LHFPL3: variants seen among roughly 807,000 people sequenced by gnomAD.
LHFPL3 encodes LHFPL tetraspan subfamily member 3.
Under a neutral mutation model 19.3 loss-of-function variants are expected in LHFPL3, and 5 were observed. That is an observed-to-expected ratio of 0.26 (90% CI 0.14 to 0.54). LHFPL3 has a LOEUF of 0.54. LHFPL3 is among the 20% of genes least tolerant of loss of function. The probability of loss-of-function intolerance (pLI) is 0.94; values close to 1 mark genes in which losing one functional copy is unlikely to be tolerated. For missense variants in LHFPL3, 249 were observed against 307.4 expected (o/e 0.81, Z 1.42); for synonymous variants, 133 against 126.2 (o/e 1.05, Z -0.36).
chr7:104,874,775 A>C (rs1272905350), intron 2 of LHFPL3, among the ~76,000 whole-genome samples: 1 of 151,954 alleles, frequency 6.6e-6, no homozygotes, highest in African/African-American at 2.4e-5. Flanking sequence ...AGTCAAAATT[A>C]TACCTACTAA....
chr7:104,550,549 A>G (rs1794645986), intron 1 of LHFPL3, among the ~76,000 whole-genome samples: 1 of 152,194 alleles, frequency 6.6e-6, no homozygotes, highest in Non-Finnish European at 1.5e-5. Context: ...TGGAAATGTA[A>G]TAATCGGCCA....
chr7:104,757,468 G>A (rs901769468), intron 2 of LHFPL3: 1 of 151,870 alleles, frequency 6.6e-6, no homozygotes, highest in African/African-American at 2.4e-5. Context: ...TCCAACAAAG[G>A]TTTAATATCC....
chr7:104,813,339 T>C (rs1172492727), intron 2 of LHFPL3, among the ~76,000 whole-genome samples: 4 of 152,178 alleles, frequency 2.6e-5, no homozygotes, highest in East Asian at 1.9e-4. Context: ...GAACTTAGCA[T>C]ATTGTTGGGT....
chr7:104,414,860 T>C (rs1791592752), intron 1 of LHFPL3, among the ~76,000 whole-genome samples: 1 of 152,246 alleles, frequency 6.6e-6, no homozygotes, highest in South Asian at 2.1e-4. Flanking sequence ...CTAAAAATTT[T>C]AGTCACCATT....
At chr7:104,535,111 C>G (rs1381123242) in intron 1 of LHFPL3, among the ~76,000 whole-genome samples, 2 of 152,164 alleles carry the variant, frequency 1.3e-5, no homozygotes, top group African/African-American at 4.8e-5. Flanking sequence ...TTCATTACTG[C>G]TACCACCAGA....
At chr7:104,634,822 C>T (rs1791703122) in intron 1 of LHFPL3, among the ~76,000 whole-genome samples, 1 of 152,128 alleles carries the variant, frequency 6.6e-6, no homozygotes, top group Non-Finnish European at 1.5e-5. Context: ...ACCCAGAGAA[C>T]TTCAATCATT....
intron 1 of LHFPL3, among the ~76,000 whole-genome samples, chr7:104,675,131 T>C (rs1792567244): frequency 6.6e-6 from 1 of 152,256 alleles, no homozygotes; most frequent in African/African-American, 2.4e-5. Flanking sequence ...TGGGAAGGAA[T>C]CTCCATGGTG....
At chr7:104,835,915 C>T (rs546318236) in intron 2 of LHFPL3, among the ~76,000 whole-genome samples, 2 of 151,928 alleles carry the variant, frequency 1.3e-5, no homozygotes, top group South Asian at 4.2e-4. Context: ...TAATGCTCTC[C>T]CTCCCCTTTC....
At chr7:104,879,493 G>A (rs1420943178) in intron 2 of LHFPL3, among the ~76,000 whole-genome samples, 1 of 152,092 alleles carries the variant, frequency 6.6e-6, no homozygotes, top group African/African-American at 2.4e-5. Flanking sequence ...TCTAAGGCAG[G>A]AGCATCACCT....
intron 2 of LHFPL3, among the ~76,000 whole-genome samples, chr7:104,853,006 A>G (rs1397578528): frequency 6.6e-6 from 1 of 152,174 alleles, no homozygotes; most frequent in Non-Finnish European, 1.5e-5. Flanking sequence ...TTGGGCACAG[A>G]GGGGAGGATC....
At chr7:104,431,864 A>G (rs1313192766) in intron 1 of LHFPL3, among the ~76,000 whole-genome samples, 1 of 152,150 alleles carries the variant, frequency 6.6e-6, no homozygotes, top group East Asian at 1.9e-4. Context: ...AGATTTCCCT[A>G]TCATGTCAAT....
chr7:104,800,683 C>T (rs1790227540), intron 2 of LHFPL3, among the ~76,000 whole-genome samples: 1 of 152,162 alleles, frequency 6.6e-6, no homozygotes, highest in African/African-American at 2.4e-5. Flanking sequence ...CATCTACCCA[C>T]CCACCCAACC....
chr7:104,677,556 G>A (rs1379321578), intron 1 of LHFPL3, among the ~76,000 whole-genome samples: 1 of 152,120 alleles, frequency 6.6e-6, no homozygotes, highest in African/African-American at 2.4e-5. Context: ...TCTACCACAT[G>A]TTTTTTAATT....
Position 104,440,811 on chromosome 7 carries a change from G to A in LHFPL3, c.445+111587G>A, listed in dbSNP as rs570879300. On this transcript the variant is annotated intron_variant, in intron 1 of 2. Transcript: ENST00000424859. ...CTAATATCTAATTTGTGACCTAAGT[G>A]AGACAAGCGGTTCATTTATATTCCT... 3.9e-5 allele frequency among the ~76,000 whole-genome samples: 6 copies of A among 152,236 alleles called. No individual in the cohort carries two copies. In the South Asian group the frequency reaches 1.2e-3, roughly 32 times the overall value.
intron 1 of LHFPL3, among the ~76,000 whole-genome samples, chr7:104,517,737 A>G (rs2115794223): frequency 6.6e-6 from 1 of 152,212 alleles, no homozygotes; most frequent in African/African-American, 2.4e-5. Context: ...TAAACTCCTG[A>G]CCTCAGGTGA....
chr7:104,860,301 C>T (rs952810784), intron 2 of LHFPL3, among the ~76,000 whole-genome samples: 1 of 152,030 alleles, frequency 6.6e-6, no homozygotes, highest in Non-Finnish European at 1.5e-5. Flanking sequence ...ATGAAATAAT[C>T]CACTGCTGAA....
intron 1 of LHFPL3, among the ~76,000 whole-genome samples, chr7:104,549,226 G>A (rs1027525942): frequency 1.3e-5 from 2 of 151,966 alleles, no homozygotes; most frequent in African/African-American, 4.8e-5. Context: ...CCAGGATAGA[G>A]GCTAAGAGAC....
At chr7:104,603,079 T>C (rs1292838542) in intron 1 of LHFPL3, among the ~76,000 whole-genome samples, 3 of 95,706 alleles carry the variant, frequency 3.1e-5, no homozygotes, top group Admixed American at 3.0e-4. Context: ...TCTTTCTTTC[T>C]TTCTTTCTTT....
rs536122769 is a variant in LHFPL3, at chr7:104,343,512, CAAAAAAAAAAAAAAAAAAAAAA to C, written c.445+14306_445+14327del. Among the ~76,000 whole-genome samples, 71 of 47,472 alleles carry C rather than the reference CAAAAAAAAAAAAAAAAAAAAAA, an allele frequency of 1.5e-3. 1 individual carries two copies. Among genetic ancestry groups the C allele is most frequent in the African/African-American group, 3.9e-3 (52 of 13,312 alleles). 31.1% of individuals were successfully genotyped at this position (47,472 alleles called of 152,430 possible). A position where few individuals can be genotyped will look rare whatever the true frequency, so the allele number is the denominator to read the frequency against. On this transcript the variant is annotated intron_variant, in intron 1 of 2. Coordinates refer to ENST00000424859, the MANE Select transcript of LHFPL3 (RefSeq NM_199000.3). ...TGGGCAACAGAGTGAGACTCTGTCTCAAAAAAAAAAAAAAAAAAAAAAAAAAAAAAAAAAAAAAAGCCAAGCT... is the reference window on the plus strand; with the variant it reads ...TGGGCAACAGAGTGAGACTCTGTCTCAAAAAAAAAAAAAAAAAGCCAAGCT...
Sources: gnomAD v4.1 joint callset for allele counts (sites outside exome capture counted in the v4.1 genomes callset) on GRCh38, gnomAD v4.1.1 for gene constraint, MANE v1.5 for transcripts, NCBI Gene and HGNC (gene_info 2026-07-23, HGNC 2026-07-21) for gene names.